Variants in EYS observed in about 807,000 individuals in gnomAD.
The protein encoded by EYS is EGF-like photoreceptor maintenance factor, also known as protein eyes shut homolog.
EYS carries 250 observed loss-of-function variants against 282.1 expected under a neutral mutation model. That is an observed-to-expected ratio of 0.89 (90% confidence interval 0.80 to 0.98). The LOEUF (loss-of-function observed/expected upper bound fraction) is 0.98. EYS is among the 50% of genes least tolerant of loss of function. The pLI is 0.00. For missense variants in EYS, 4,016 were observed against 3,709.0 expected (o/e 1.08, Z -2.15); for synonymous variants, 1,355 against 1,282.9 (o/e 1.06, Z -1.20).
rs116535632 is a variant in EYS at position 63,844,427 on chromosome 6, C to G, written c.7228+19759G>C. The stretch of plus-strand genomic sequence containing the variant: ...CTGCCTCTAAGTCTTTGAGGAATGT[C>G]CACACTGTCTTCCACAATGGTTGAA... On this transcript the variant is annotated intron_variant, in intron 36 of 42. Transcript: ENST00000503581. 9.3e-3 allele frequency among the ~76,000 whole-genome samples: 1,415 copies of G among 152,224 alleles called. 23 individuals are homozygous for G. The highest frequency in any genetic ancestry group is 0.032 in the African/African-American group (1,311 of 41,524).
At position 63,778,109 on chromosome 6, in the gene EYS, G is replaced by T. The variant is rs1770112412; in HGVS notation, c.7795C>A (p.His2599Asn). 2.6e-6 allele frequency: 4 copies of T among 1,551,654 alleles called. No homozygotes were observed. Among genetic ancestry groups the T allele is most frequent in the African/African-American group, 1.4e-5 (1 of 73,056 alleles). ...HFRGLGNPEG[H>N]PNAGRSVGQC... ...CCAACACTGCGTCCAGCATTTGGGTGGCCCTCAGGATTTCCCAGTCCTCTG... is the reference window on the plus strand; with the variant it reads ...CCAACACTGCGTCCAGCATTTGGGTTGCCCTCAGGATTTCCCAGTCCTCTG... Residue 2599 changes from histidine to asparagine, a missense_variant, in exon 40 of 43, where the codon CAC becomes AAC. Transcript: ENST00000503581.
intron 35 of EYS, among the ~76,000 whole-genome samples, chr6:63,884,034 T>C (rs979728179): frequency 2.0e-5 from 3 of 152,232 alleles, no homozygotes; most frequent in Non-Finnish European, 4.4e-5. Context: ...ACTTGTATTG[T>C]ACCTAGAATT....
intron 24 of EYS, among the ~76,000 whole-genome samples, chr6:64,599,411 T>C (rs1014068470): frequency 6.6e-6 from 1 of 152,132 alleles, no homozygotes; most frequent in Non-Finnish European, 1.5e-5. Context: ...GGACTAGATG[T>C]ATGGGGTGAG....
intron 19 of EYS, among the ~76,000 whole-genome samples, chr6:64,841,048 A>AT (rs34104437): frequency 0.041 from 6,202 of 152,028 alleles, 165 homozygotes; most frequent in East Asian, 0.1. Context: ...CTTTTTAAAT[A>AT]TTTTTTTCTA....
In EYS at chr6:65,344,177, C is replaced by T; in HGVS notation, c.1460G>A (p.Gly487Glu). The T allele has an allele frequency of 6.2e-7, 1 of 1,605,254 alleles. No individual in the cohort carries two copies. The highest frequency in any genetic ancestry group is 8.5e-7 in the Non-Finnish European group (1 of 1,174,178). ...CCCTTGGCACTTTTCGCCTTCAGATCCTTTAAAAAAAAAGAGATAAAAAAT... is the reference window on the plus strand; with the variant it reads ...CCCTTGGCACTTTTCGCCTTCAGATTCTTTAAAAAAAAAGAGATAAAAAAT... The part of the protein sequence containing the change: ...FEYVWQLGFA[G>E]SEGEKCQGVI... Residue 487 changes from glycine to glutamate, a missense_variant and splice_region_variant, in exon 10 of 43, where the codon GGA becomes GAA. Physicochemically the swap from Gly to Glu is moderately conservative, Grantham distance 98. Coordinates refer to ENST00000503581, the MANE Select transcript of EYS (RefSeq NM_001142800.2).
At chr6:65,206,133 T>G (rs1766027824) in intron 12 of EYS, among the ~76,000 whole-genome samples, 1 of 151,670 alleles carries the variant, frequency 6.6e-6, no homozygotes, top group South Asian at 2.1e-4. Context: ...ATCAATAGAC[T>G]GCTAGATAGT....
chr6:65,398,926 C>T (rs890019420), intron 7 of EYS, among the ~76,000 whole-genome samples: 1 of 152,042 alleles, frequency 6.6e-6, no homozygotes, highest in Non-Finnish European at 1.5e-5. Flanking sequence ...AGCAAACAAC[C>T]TTAGAGTTAC....
intron 2 of EYS, among the ~76,000 whole-genome samples, chr6:65,527,881 T>C (rs948089166): frequency 6.6e-6 from 1 of 152,202 alleles, no homozygotes; most frequent in Non-Finnish European, 1.5e-5. Context: ...TGATAATCCA[T>C]ACAACATTGT....
At chr6:63,847,165 T>C (rs913228694) in intron 36 of EYS, among the ~76,000 whole-genome samples, 2 of 152,204 alleles carry the variant, frequency 1.3e-5, no homozygotes, top group East Asian at 3.8e-4. Context: ...ACAGCAAAAT[T>C]GGGATTGTGA....
At chr6:64,248,148 A>G (rs1345410162) in intron 30 of EYS, among the ~76,000 whole-genome samples, 1 of 151,506 alleles carries the variant, frequency 6.6e-6, no homozygotes, top group African/African-American at 2.4e-5. Flanking sequence ...GACAGCATGC[A>G]TGGAGAATTG....
chr6:64,517,797 T>C (rs1777609011), intron 26 of EYS, among the ~76,000 whole-genome samples: 2 of 151,928 alleles, frequency 1.3e-5, no homozygotes, highest in South Asian at 2.1e-4. Flanking sequence ...GAACTGTACA[T>C]GTACACATTA....
chr6:64,407,626 G>A (rs9451497), intron 28 of EYS, among the ~76,000 whole-genome samples: 3,554 of 152,060 alleles, frequency 0.023, 69 homozygotes, highest in African/African-American at 0.059. Context: ...TTGTTTTCAA[G>A]GAATGTTTTA....
Position 65,311,423 on chromosome 6 carries a change from A to T in EYS, c.1767-15304T>A, listed in dbSNP as rs557501244. On this transcript the variant is annotated intron_variant, in intron 11 of 42. Coordinates refer to ENST00000503581, the MANE Select transcript of EYS (RefSeq NM_001142800.2). ...CGTTGCACTTTAAGCAATTACAGAT[A>T]ACACTTAGTCCTGGACTTACAGATG... 3.1e-4 allele frequency among the ~76,000 whole-genome samples: 47 copies of T among 152,310 alleles called. 1 individual carries two copies. In the South Asian group the frequency reaches 9.7e-3, roughly 32 times the overall value.
At chr6:64,111,477 A>C (rs1457106628) in intron 31 of EYS, among the ~76,000 whole-genome samples, 1 of 152,186 alleles carries the variant, frequency 6.6e-6, no homozygotes, top group Admixed American at 6.5e-5. Flanking sequence ...GAAAGTTTTG[A>C]AAGTTGCCAT....
At chr6:63,856,905 C>T (rs1365349765) in intron 36 of EYS, among the ~76,000 whole-genome samples, 1 of 152,026 alleles carries the variant, frequency 6.6e-6, no homozygotes, top group Non-Finnish European at 1.5e-5. Flanking sequence ...AGTTTATGAA[C>T]AAAATCAGAT....
At chr6:65,083,910 G>C (rs1774292444) in intron 12 of EYS, among the ~76,000 whole-genome samples, 1 of 151,436 alleles carries the variant, frequency 6.6e-6, no homozygotes, top group Admixed American at 6.6e-5. Flanking sequence ...TAAGCCATAG[G>C]TTGACATGTA....
At chr6:64,485,889 A>C (rs1346439010) in intron 26 of EYS, among the ~76,000 whole-genome samples, 1 of 151,500 alleles carries the variant, frequency 6.6e-6, no homozygotes, top group African/African-American at 2.4e-5. Flanking sequence ...TAGTCAACAA[A>C]TATTCATATT....
At chr6:64,712,210 A>C (rs1317208638) in intron 22 of EYS, among the ~76,000 whole-genome samples, 1 of 152,374 alleles carries the variant, frequency 6.6e-6, no homozygotes, top group South Asian at 2.1e-4. Flanking sequence ...TGTGAAATAA[A>C]ATAGTGTGTG....
intron 1 of EYS, among the ~76,000 whole-genome samples, chr6:65,667,815 A>C (rs1768251951): frequency 6.6e-6 from 1 of 151,926 alleles, no homozygotes; most frequent in Non-Finnish European, 1.5e-5. Context: ...AGCAATGAAT[A>C]AAAGGACATA....
Sources: gnomAD v4.1 joint callset for allele counts (sites outside exome capture counted in the v4.1 genomes callset) on GRCh38, gnomAD v4.1.1 for gene constraint, MANE v1.5 for transcripts, NCBI Gene and HGNC (gene_info 2026-07-23, HGNC 2026-07-21) for gene names.